Variants in RAC1 observed in about 807,000 individuals in gnomAD.
RAC1 encodes ras-related C3 botulinum toxin substrate 1.
Under a neutral mutation model 25.2 loss-of-function variants are expected in RAC1, and 2 were observed. The observed-to-expected ratio is 0.08, with a 90% CI of 0.03 to 0.25. The LOEUF is 0.25. RAC1 is among the 10% of genes least tolerant of loss of function. The pLI is 1.00. For synonymous variants in RAC1, 88 were observed against 94.0 expected, an observed-to-expected ratio of 0.94 and a Z score of 0.37; for missense variants, 50 against 235.7, an observed-to-expected ratio of 0.21 and a Z score of 5.16.
intron 1 of RAC1, among the ~76,000 whole-genome samples, chr7:6,377,311 C>T (rs1184629407): frequency 2.6e-5 from 4 of 151,834 alleles, no homozygotes; most frequent in Non-Finnish European, 4.4e-5. Flanking sequence ...TGAAATGTAC[C>T]TGGCCAGGTC....
chr7:6,402,712 A>G lies in RAC1; in HGVS notation c.*266A>G, dbSNP rs539906640. 1.6e-5 allele frequency: 5 copies of G among 308,552 alleles called. No individual in the cohort carries two copies. The South Asian group carries it at 4.0e-4, about 25-fold the overall frequency. The allele number at this position is 308,552 out of a possible 1,614,324, so 19.1% of individuals were successfully genotyped here. On this transcript the variant is annotated 3_prime_UTR_variant, in exon 6 of 6. Transcript: ENST00000348035. Reference sequence around the variant, plus strand: ...AAATGACAAGCCTTCTTAAAGCCTTATTTTTCAAAAGCGCCCCCCCCATTC... The same window carrying G: ...AAATGACAAGCCTTCTTAAAGCCTTGTTTTTCAAAAGCGCCCCCCCCATTC...
rs144328770 is a variant in RAC1, at chr7:6,388,175, C to G, written c.107+892C>G. Among the ~76,000 whole-genome samples, 301 of 151,942 alleles carry G rather than the reference C, an allele frequency of 2.0e-3. 2 individuals carry two copies. Among genetic ancestry groups the G allele is most frequent in the African/African-American group, 7.0e-3 (289 of 41,444 alleles). On this transcript the variant is annotated intron_variant, in intron 2 of 5. Coordinates refer to ENST00000348035, the MANE Select transcript of RAC1 (RefSeq NM_006908.5). ...TGGTGATGGGTTACCCGGGAGCGCACGTAGCTGAGCCTCATAATGCACCAT... is the reference window on the plus strand; with the variant it reads ...TGGTGATGGGTTACCCGGGAGCGCAGGTAGCTGAGCCTCATAATGCACCAT...
chr7:6,397,096 C>T (rs1472138164), intron 3 of RAC1, among the ~76,000 whole-genome samples: 2 of 142,818 alleles, frequency 1.4e-5, no homozygotes, highest in African/African-American at 2.6e-5. Context: ...AAAAATTTAG[C>T]TGGGCGCAGT....
chr7:6,401,751 G>T, intron 4 of RAC1, 117 bp from the exon 5 acceptor site: 2 of 1,049,508 alleles, frequency 1.9e-6, no homozygotes, highest in Non-Finnish European at 2.8e-6. Flanking sequence ...AAGCCTCCGT[G>T]GGGAGGCCTT....
chr7:6,396,157 G>C (rs770677795), intron 3 of RAC1, among the ~76,000 whole-genome samples: 1 of 152,200 alleles, frequency 6.6e-6, no homozygotes. Context: ...AACATAGGCC[G>C]GTGACCGGAG....
At chr7:6,394,987 T>A (rs1783190843) in intron 3 of RAC1, among the ~76,000 whole-genome samples, 1 of 152,202 alleles carries the variant, frequency 6.6e-6, no homozygotes, top group African/African-American at 2.4e-5. Flanking sequence ...CCCAAGTAGC[T>A]GGGACTACAG....
At position 6,375,670 on chromosome 7, in the gene RAC1, C is replaced by CT. The variant is rs561981460; in HGVS notation, c.35+912dup. 1.4e-3 allele frequency among the ~76,000 whole-genome samples: 200 copies of CT among 144,932 alleles called. 1 individual carries two copies. In the Middle Eastern group the frequency reaches 0.018, roughly 13 times the overall value. On this transcript the variant is annotated intron_variant, in intron 1 of 5. Transcript: ENST00000348035. Reference sequence around the variant, plus strand: ...GGACTGTTTTTTCTTTTCTTTCTTTCTTTTTTTTTTTTAAACAACGTGGTG... The same window carrying CT: ...GGACTGTTTTTTCTTTTCTTTCTTTCTTTTTTTTTTTTTAAACAACGTGGTG...
intron 1 of RAC1, among the ~76,000 whole-genome samples, chr7:6,377,454 T>A (rs1291025715): frequency 6.6e-6 from 1 of 151,664 alleles, no homozygotes; most frequent in Non-Finnish European, 1.5e-5. Context: ...ATTAGCTAGG[T>A]GTAGACACAT....
chr7:6,380,223 C>G (rs1336041187), intron 1 of RAC1, among the ~76,000 whole-genome samples: 1 of 152,146 alleles, frequency 6.6e-6, no homozygotes, highest in Non-Finnish European at 1.5e-5. Context: ...GTTTTCCTCT[C>G]AAGGCATGGG....
chr7:6,374,635 C>T lies in RAC1; in HGVS notation c.-101C>T, dbSNP rs963331331. On this transcript the variant is annotated 5_prime_UTR_variant, in exon 1 of 6. Coordinates refer to ENST00000348035, the MANE Select transcript of RAC1 (RefSeq NM_006908.5). ...GGACAGCGGCCCCGGCACCCAGCGC[C>T]CCGCCGCCCGCAAGCCGCGCGCCCG... The T allele has an allele frequency of 6.0e-6, 5 of 838,310 alleles. No homozygotes were observed. The highest frequency in any genetic ancestry group is 1.8e-5 in the African/African-American group (1 of 54,476). The allele number at this position is 838,310 out of a possible 1,614,324, so 51.9% of individuals were successfully genotyped here. A position where few individuals can be genotyped will look rare whatever the true frequency, so the allele number is the denominator to read the frequency against.
At chr7:6,388,346 C>CT (rs71008389) in intron 2 of RAC1, among the ~76,000 whole-genome samples, 22,841 of 121,716 alleles carry the variant, frequency 0.19, 2,626 homozygotes, top group Admixed American at 0.26. Context: ...TGTTGTTTTC[C>CT]TTTTTTTTTT....
intron 1 of RAC1, among the ~76,000 whole-genome samples, chr7:6,385,622 T>G (rs1258918528): frequency 6.6e-6 from 1 of 152,236 alleles, no homozygotes; most frequent in African/African-American, 2.4e-5. Context: ...TTTGACTCTC[T>G]AAAGTCTTTG....
At chr7:6,393,444 A>G (rs772587765) in intron 3 of RAC1, among the ~76,000 whole-genome samples, 3 of 152,008 alleles carry the variant, frequency 2.0e-5, no homozygotes, top group East Asian at 1.9e-4. Flanking sequence ...GCTGTGACTC[A>G]GGGGGTACCG....
At chr7:6,394,928 C>T (rs1281237443) in intron 3 of RAC1, among the ~76,000 whole-genome samples, 1 of 152,144 alleles carries the variant, frequency 6.6e-6, no homozygotes, top group African/African-American at 2.4e-5. Flanking sequence ...GATCTTGGCT[C>T]ACTGCAAGCT....
intron 1 of RAC1, among the ~76,000 whole-genome samples, chr7:6,381,604 A>G (rs939940360): frequency 1.3e-5 from 2 of 152,098 alleles, no homozygotes; most frequent in African/African-American, 4.8e-5. Flanking sequence ...TGTGCTGCCC[A>G]GGCTGGTCTT....
At chr7:6,388,030 G>A (rs1178491216) in intron 2 of RAC1, among the ~76,000 whole-genome samples, 1 of 152,150 alleles carries the variant, frequency 6.6e-6, no homozygotes, top group Non-Finnish European at 1.5e-5. Context: ...TGAGGTGTAG[G>A]GCTTTGGAAT....
At chr7:6,397,862 G>A (rs1263783815) in intron 3 of RAC1, among the ~76,000 whole-genome samples, 1 of 152,172 alleles carries the variant, frequency 6.6e-6, no homozygotes, top group African/African-American at 2.4e-5. Flanking sequence ...GGTGGTGTGT[G>A]CCTGTAGTCC....
intron 2 of RAC1, chr7:6,391,652 G>T: frequency 2.3e-6 from 1 of 440,334 alleles, no homozygotes; most frequent in Non-Finnish European, 4.0e-6. Context: ...TTTGTTTAAA[G>T]TAAAATGTTT....
chr7:6,400,203 A>T lies in RAC1; in HGVS notation c.288+15A>T. On this transcript the variant is annotated intron_variant, in intron 4 of 5. Transcript: ENST00000348035. ...TCCGTGCAAAGGTAGGTGGGGATTT[A>T]AAATGTGTATGTAAGTTATAGAATG... 1.3e-6 allele frequency: 2 copies of T among 1,586,612 alleles called. No individual in the cohort carries two copies. The highest frequency in any genetic ancestry group is 1.7e-6 in the Non-Finnish European group (2 of 1,156,524).
Sources: allele counts gnomAD v4.1 joint callset (sites outside exome capture counted in the v4.1 genomes callset), GRCh38; gene constraint gnomAD v4.1.1; transcripts MANE v1.5; gene names NCBI Gene and HGNC (gene_info 2026-07-23, HGNC 2026-07-21).